SYNE2: variants seen among roughly 807,000 people sequenced by gnomAD.
SYNE2 encodes the protein nesprin-2.
A neutral mutation model predicts 856.3 loss-of-function variants in SYNE2; 431 were observed. The ratio of observed to expected loss-of-function variants is 0.50; its 90% confidence interval spans 0.47 to 0.55. The LOEUF is 0.55. Ranked by LOEUF, SYNE2 falls within the 20% of genes least tolerant of loss-of-function variation. SYNE2 has a pLI of 0.00. For missense variants in SYNE2, 8,129 were observed against 8,023.2 expected (o/e 1.01, Z -0.50); for synonymous variants, 2,923 against 2,872.3 (o/e 1.02, Z -0.56).
intron 103 of SYNE2, among the ~76,000 whole-genome samples, chr14:64,210,936 C>T (rs1192373562): frequency 6.6e-6 from 1 of 151,994 alleles, no homozygotes; most frequent in Non-Finnish European, 1.5e-5. Context: ...TCTCTCCCTT[C>T]CTGTCTCTCT....
At chr14:64,174,823 G>T in intron 94 of SYNE2, 121 bp from the exon 95 acceptor site, 1 of 883,310 alleles carries the variant, frequency 1.1e-6, no homozygotes, top group South Asian at 1.6e-5. Flanking sequence ...GACCCAATTT[G>T]TCTAATTTAT....
At chr14:64,136,274 A>T (rs1285517328) in intron 78 of SYNE2, among the ~76,000 whole-genome samples, 1 of 132,558 alleles carries the variant, frequency 7.5e-6, no homozygotes, top group Non-Finnish European at 1.5e-5. Context: ...TGGGTGACAG[A>T]GCGAGACTTC....
chr14:63,921,282 G>A (rs1385985945), intron 2 of SYNE2, among the ~76,000 whole-genome samples: 1 of 152,130 alleles, frequency 6.6e-6, no homozygotes, highest in African/African-American at 2.4e-5. Context: ...GATGTCTATG[G>A]AATAACCACA....
rs766045234 is a variant in SYNE2, at chr14:64,093,416, A to T, written c.12044A>T (p.Tyr4015Phe). 3.1e-6 allele frequency: 5 copies of T among 1,614,154 alleles called. No homozygotes were observed. The highest frequency in any genetic ancestry group is 2.2e-5 in the East Asian group (1 of 44,874). The change falls in exon 61 of 116, where the codon TAT becomes TTT. Residue 4015 changes from tyrosine (Y) to phenylalanine (F), a missense_variant. This residue lies in a region of SYNE2 where 5,410 missense variants were observed against 5,284.8 expected (regional missense o/e 1.02). Coordinates refer to ENST00000555002, the MANE Select transcript of SYNE2 (RefSeq NM_182914.3). ...IENLKQILNN[Y>F]SAQFSLEHMS... ...AATTTGAAACAGATCTTAAATAATT[A>T]TTCAGCTCAGTTCTCCCTTGAACAT... is the stretch of plus-strand genomic sequence containing the variant.
chr14:64,096,818 T>A (rs1294013297), intron 61 of SYNE2, among the ~76,000 whole-genome samples: 3 of 152,194 alleles, frequency 2.0e-5, no homozygotes, highest in Non-Finnish European at 4.4e-5. Flanking sequence ...CTCTGTTTTG[T>A]AAGAAAATTA....
chr14:64,116,428 C>G (rs2097854331), intron 66 of SYNE2, among the ~76,000 whole-genome samples: 1 of 151,370 alleles, frequency 6.6e-6, no homozygotes, highest in Non-Finnish European at 1.5e-5. Flanking sequence ...AGTACCATTA[C>G]TTTTTTTTTG....
chr14:63,986,679 A>C (rs986658520), intron 19 of SYNE2, 62 bp downstream of exon 19: 2 of 1,572,818 alleles, frequency 1.3e-6, no homozygotes, highest in African/African-American at 2.7e-5. Context: ...TTTAAGTTAA[A>C]TAAGAAGTTT....
At chr14:63,964,280 G>T (rs1405317508) in intron 10 of SYNE2, among the ~76,000 whole-genome samples, 1 of 152,164 alleles carries the variant, frequency 6.6e-6, no homozygotes, top group Non-Finnish European at 1.5e-5. Flanking sequence ...CTGGTTTTTG[G>T]AGTACTTTGA....
rs376646037 is a variant in SYNE2, at chr14:64,225,397, C to G, written c.20595C>G (p.Leu6865=). The part of the protein sequence containing the change: ...VRAALPLQLL[L]LLLLLLACLL... ...CAGCCCTACCCCTGCAGCTGCTCCT[C>G]CTGCTGCTGCTGCTCCTGGCCTGCC... The change falls in exon 116 of 116, where the codon CTC becomes CTG. Residue 6865 remains leucine, a synonymous_variant. Transcript: ENST00000555002. The G allele has an allele frequency of 6.2e-7, 1 of 1,613,918 alleles. No individual in the cohort carries two copies. The highest frequency in any genetic ancestry group is 1.3e-5 in the African/African-American group (1 of 74,910).
At chr14:64,111,847 T>C (rs1320532468) in intron 65 of SYNE2, among the ~76,000 whole-genome samples, 2 of 151,952 alleles carry the variant, frequency 1.3e-5, no homozygotes, top group African/African-American at 4.8e-5. Context: ...AACAGTTGAA[T>C]CCAAGCATAG....
rs759251568 is a variant in SYNE2, at chr14:64,208,821, G to A, written c.18265G>A (p.Val6089Ile). ...GGAGTCCGTGTTTAACATCTGTGAC[G>A]TCCTACTGCACGACTCCGATGCCTG... ...GVESVFNICD[V>I]LLHDSDACAN... The change falls in exon 101 of 116, where the codon GTC becomes ATC. Residue 6089 changes from valine (V) to isoleucine (I), a missense_variant. Around this residue, in one of 3 missense-constraint regions of SYNE2, gnomAD observed 5,410 missense variants for 5,284.8 expected, o/e 1.02. Transcript: ENST00000555002. The A allele has an allele frequency of 8.9e-5, 144 of 1,614,094 alleles. No homozygotes were observed. Among genetic ancestry groups the A allele is most frequent in the Non-Finnish European group, 1.2e-4 (139 of 1,180,052 alleles).
rs776120729 is a variant in SYNE2 at position 64,089,715 on chromosome 14, TTAAAG to T, written c.11793+22_11793+26del. The T allele has an allele frequency of 3.9e-6, 6 of 1,528,418 alleles. No homozygotes were observed. Among genetic ancestry groups the T allele is most frequent in the South Asian group, 1.1e-5 (1 of 88,058 alleles). 94.7% of individuals were successfully genotyped at this position (1,528,418 alleles called of 1,614,324 possible). On this transcript the variant is annotated intron_variant, in intron 59 of 115. Transcript: ENST00000555002. Reference sequence around the variant, plus strand: ...TGGGGAGGTAAGCATAGATTATTATTTAAAGTATTTTCTTATGATACTTATTATGT... The same window carrying T: ...TGGGGAGGTAAGCATAGATTATTATTTATTTTCTTATGATACTTATTATGT...
At chr14:64,115,971 T>C (rs567135551) in intron 66 of SYNE2, among the ~76,000 whole-genome samples, 22 of 152,016 alleles carry the variant, frequency 1.4e-4, no homozygotes, top group African/African-American at 5.3e-4. Context: ...CTGGGCAACA[T>C]AGTTACACCT....
chr14:64,209,234 G>A (rs1053053208), intron 101 of SYNE2, 194 bp from the exon 102 acceptor site: 16 of 981,022 alleles, frequency 1.6e-5, no homozygotes, highest in Non-Finnish European at 2.4e-5. Context: ...TTTAACCTCT[G>A]TGAAGCAGGA....
At chr14:63,776,022 G>A (rs544910557) in intron 1 of SYNE2, among the ~76,000 whole-genome samples, 1 of 152,124 alleles carries the variant, frequency 6.6e-6, no homozygotes, top group Non-Finnish European at 1.5e-5. Flanking sequence ...CATTTAAATA[G>A]CATCTTAATT....
chr14:63,968,971 C>T (rs548869477), intron 11 of SYNE2, among the ~76,000 whole-genome samples: 1 of 152,260 alleles, frequency 6.6e-6, no homozygotes, highest in South Asian at 2.1e-4. Flanking sequence ...TTAACCATCT[C>T]CATTTCCCCT....
intron 1 of SYNE2, among the ~76,000 whole-genome samples, chr14:63,877,353 C>G (rs993444895): frequency 2.0e-5 from 3 of 152,152 alleles, no homozygotes; most frequent in African/African-American, 7.2e-5. Context: ...AAGTTTGTTA[C>G]CACTCACTTC....
chr14:63,783,255 T>C (rs564516862), intron 1 of SYNE2, among the ~76,000 whole-genome samples: 155 of 152,294 alleles, frequency 1.0e-3, no homozygotes, highest in African/African-American at 3.5e-3. Flanking sequence ...TTTGCGGCCT[T>C]GTGAAGAGGG....
intron 114 of SYNE2, 100 bp downstream of exon 114, chr14:64,224,647 G>A: frequency 7.8e-7 from 1 of 1,288,716 alleles, no homozygotes; most frequent in Non-Finnish European, 1.1e-6. Context: ...AGCCATTTCA[G>A]GACAGCACAG....
Sources: gnomAD v4.1 joint callset for allele counts (sites outside exome capture counted in the v4.1 genomes callset) on GRCh38, gnomAD v4.1.1 for gene constraint, gnomAD v4.1.1 regional missense constraint, MANE v1.5 for transcripts, NCBI Gene and HGNC (gene_info 2026-07-23, HGNC 2026-07-21) for gene names.